Variants in SCFD1 observed in about 807,000 individuals in gnomAD.
The protein encoded by SCFD1 is sec1 family domain-containing protein 1.
A neutral mutation model predicts 103.2 loss-of-function variants in SCFD1; 37 were observed. The observed-to-expected ratio is 0.36, with a 90% CI of 0.28 to 0.47. SCFD1 has a LOEUF of 0.47. SCFD1 is among the 20% of genes least tolerant of loss of function. The pLI, the probability that SCFD1 is intolerant of heterozygous loss-of-function variation, is 1.00. For synonymous variants in SCFD1, 264 were observed against 245.0 expected, an observed-to-expected ratio of 1.08 and a Z score of -0.73; for missense variants, 639 against 761.2, an observed-to-expected ratio of 0.84 and a Z score of 1.89.
chr14:30,684,013 A>G (rs2139268864), intron 14 of SCFD1, among the ~76,000 whole-genome samples: 1 of 152,328 alleles, frequency 6.6e-6, no homozygotes, highest in Admixed American at 6.5e-5. Context: ...CCAGAACAGT[A>G]GTGTCTATAG....
chr14:30,708,182 T>C (rs1891604613), intron 19 of SCFD1, 117 bp downstream of exon 19: 1 of 681,984 alleles, frequency 1.5e-6, no homozygotes, highest in African/African-American at 1.8e-5. Flanking sequence ...AATCATAAAA[T>C]CAAGGAGTTC....
At chr14:30,718,187 G>A (rs1892415960) in intron 20 of SCFD1, among the ~76,000 whole-genome samples, 1 of 152,220 alleles carries the variant, frequency 6.6e-6, no homozygotes, top group Admixed American at 6.5e-5. Context: ...AGGCAACCAA[G>A]AAATGTTGTG....
intron 10 of SCFD1, among the ~76,000 whole-genome samples, chr14:30,654,230 A>C (rs550184483): frequency 5.3e-5 from 8 of 152,360 alleles, no homozygotes; most frequent in Admixed American, 5.2e-4. Flanking sequence ...AATAGTCTCT[A>C]TTTGATAGAC....
At chr14:30,656,639 A>G (rs2139131476) in intron 10 of SCFD1, among the ~76,000 whole-genome samples, 1 of 152,260 alleles carries the variant, frequency 6.6e-6, no homozygotes, top group East Asian at 1.9e-4. Context: ...TGAGTTTCAA[A>G]GCTAGTTTTA....
intron 6 of SCFD1, among the ~76,000 whole-genome samples, chr14:30,642,348 C>T (rs979964454): frequency 6.6e-6 from 1 of 152,190 alleles, no homozygotes; most frequent in Non-Finnish European, 1.5e-5. Flanking sequence ...CCTCAGCCTC[C>T]CAGAGTGCTG....
intron 23 of SCFD1, among the ~76,000 whole-genome samples, chr14:30,728,628 A>T (rs1893215244): frequency 6.6e-6 from 1 of 152,130 alleles, no homozygotes; most frequent in Non-Finnish European, 1.5e-5. Flanking sequence ...AACTGTAATC[A>T]TTTGAAGAAC....
rs552196272 is a variant in SCFD1, at chr14:30,734,332, A to G, written c.1837-458A>G. Among the ~76,000 whole-genome samples the G allele has an allele frequency of 4.6e-5, 7 of 152,356 alleles. No individual in the cohort carries two copies. In the South Asian group the frequency reaches 8.3e-4, roughly 18 times the overall value. ...CCTGATGTTGACAATGTGGAATGAG[A>G]TGTATTAACTTATAAATACTGTGTT... On this transcript the variant is annotated intron_variant, in intron 23 of 24. Coordinates refer to ENST00000458591, the MANE Select transcript of SCFD1 (RefSeq NM_016106.4).
intron 4 of SCFD1, among the ~76,000 whole-genome samples, 187 bp from the exon 5 acceptor site, chr14:30,637,938 C>A (rs932299697): frequency 1.3e-5 from 2 of 152,070 alleles, no homozygotes; most frequent in African/African-American, 4.8e-5. Flanking sequence ...TATTAAGAAA[C>A]ATTTTAGTTA....
chr14:30,624,240 A>G (rs1260313768), intron 1 of SCFD1, among the ~76,000 whole-genome samples: 1 of 152,092 alleles, frequency 6.6e-6, no homozygotes, highest in Admixed American at 6.6e-5. Context: ...GCTCCGTGTT[A>G]CTGTTGTTCT....
At chr14:30,724,767 A>G (rs1000808179) in intron 23 of SCFD1, among the ~76,000 whole-genome samples, 2 of 152,032 alleles carry the variant, frequency 1.3e-5, no homozygotes, top group East Asian at 1.9e-4. Flanking sequence ...GCCCATTCCT[A>G]TGTCCAGAAT....
At chr14:30,665,700 C>A (rs954511124) in intron 10 of SCFD1, among the ~76,000 whole-genome samples, 1 of 152,064 alleles carries the variant, frequency 6.6e-6, no homozygotes, top group Non-Finnish European at 1.5e-5. Context: ...GGAGGAAGAT[C>A]TACCAAGCAA....
At chr14:30,734,717 T>C in intron 23 of SCFD1, 73 bp from the exon 24 acceptor site, 2 of 1,178,318 alleles carry the variant, frequency 1.7e-6, no homozygotes, top group Non-Finnish European at 2.5e-6. Flanking sequence ...ACTAGCATAT[T>C]AATCTCTTTT....
intron 15 of SCFD1, among the ~76,000 whole-genome samples, chr14:30,695,971 A>G (rs1017465038): frequency 1.3e-5 from 2 of 152,232 alleles, no homozygotes; most frequent in Non-Finnish European, 1.5e-5. Context: ...TGGGATCTAC[A>G]TAGAGTCTTA....
intron 23 of SCFD1, among the ~76,000 whole-genome samples, chr14:30,724,673 A>G (rs891689692): frequency 1.3e-5 from 2 of 152,032 alleles, no homozygotes; most frequent in East Asian, 1.9e-4. Context: ...TTCTTTTGCT[A>G]TGTAGAAGCT....
intron 24 of SCFD1, among the ~76,000 whole-genome samples, chr14:30,735,296 C>T (rs1042763716): frequency 2.6e-5 from 4 of 151,730 alleles, no homozygotes; most frequent in Middle Eastern, 3.4e-3. Flanking sequence ...TTTTCTTTTT[C>T]TTGGTAGAGA....
intron 10 of SCFD1, among the ~76,000 whole-genome samples, chr14:30,659,677 T>A (rs188432620): frequency 2.0e-5 from 3 of 152,348 alleles, no homozygotes; most frequent in African/African-American, 7.2e-5. Flanking sequence ...TTGCTGATGC[T>A]GTAAAGAATA....
chr14:30,646,864 T>C (rs1303427593), intron 7 of SCFD1, among the ~76,000 whole-genome samples: 1 of 152,206 alleles, frequency 6.6e-6, no homozygotes, highest in Non-Finnish European at 1.5e-5. Flanking sequence ...TCCAGAAATT[T>C]ACTCATTTCT....
chr14:30,662,242 T>A (rs1887519651), intron 10 of SCFD1, among the ~76,000 whole-genome samples: 1 of 152,164 alleles, frequency 6.6e-6, no homozygotes, highest in Non-Finnish European at 1.5e-5. Flanking sequence ...AGAAAATGCT[T>A]CTTTTTGGAG....
At chr14:30,664,586 C>T (rs1887755419) in intron 10 of SCFD1, among the ~76,000 whole-genome samples, 1 of 152,054 alleles carries the variant, frequency 6.6e-6, no homozygotes, top group South Asian at 2.1e-4. Flanking sequence ...TCGATAATAA[C>T]AAGTTTCTCC....
Sources: gnomAD v4.1 joint callset for allele counts (sites outside exome capture counted in the v4.1 genomes callset) on GRCh38, gnomAD v4.1.1 for gene constraint, MANE v1.5 for transcripts, NCBI Gene and HGNC (gene_info 2026-07-23, HGNC 2026-07-21) for gene names.